Variants in MYBPC3 observed in about 807,000 individuals in gnomAD.
The protein encoded by MYBPC3 is myosin-binding protein C, cardiac-type.
A neutral mutation model predicts 159.3 loss-of-function variants in MYBPC3; 108 were observed. The ratio of observed to expected loss-of-function variants is 0.68; its 90% confidence interval spans 0.58 to 0.80. The LOEUF is 0.80. Ranked by LOEUF, MYBPC3 falls within the 30% of genes least tolerant of loss-of-function variation. The pLI is 0.00. For synonymous variants in MYBPC3, 730 were observed against 702.0 expected (o/e 1.04, Z -0.63); for missense variants, 1,631 against 1,762.1 (o/e 0.93, Z 1.33).
chr11:47,335,318 T>A (rs1163279860), intron 26 of MYBPC3, 109 bp from the exon 27 acceptor site: 8 of 939,802 alleles, frequency 8.5e-6, no homozygotes, highest in South Asian at 3.0e-5. Context: ...TATGTTTTTT[T>A]AAATTTTTAT....
At chr11:47,335,005 A>C in intron 27 of MYBPC3, 37 bp downstream of exon 27, 2 of 1,443,878 alleles carry the variant, frequency 1.4e-6, no homozygotes, top group Non-Finnish European at 1.8e-6. Context: ...CTGGGGTGTC[A>C]ATGGCGGGTC....
At chr11:47,349,153 C>G (rs1335685314) in intron 5 of MYBPC3, among the ~76,000 whole-genome samples, 1 of 151,384 alleles carries the variant, frequency 6.6e-6, no homozygotes, top group Middle Eastern at 3.2e-3. Flanking sequence ...TAGCCCAGGA[C>G]TGGGGAAGGT....
chr11:47,346,592 G>A lies in MYBPC3; in HGVS notation c.926+35C>T, dbSNP rs770211118. ...TGGAGGGGCTCCTGGCAGAATTAGG[G>A]GTGATGAGGGTGCTGTGCTATGTTG... On this transcript the variant is annotated intron_variant, in intron 11 of 34. Transcript: ENST00000545968. The surrounding 1 kb of genome is among the most constrained non-coding windows in gnomAD (Gnocchi z 5.3). The A allele has an allele frequency of 1.3e-5, 20 of 1,561,088 alleles. No homozygotes were observed. The highest frequency in any genetic ancestry group is 1.5e-5 in the Non-Finnish European group (17 of 1,151,664).
At chr11:47,341,054 G>A in intron 19 of MYBPC3, 22 bp from the exon 20 acceptor site, 1 of 1,575,532 alleles carries the variant, frequency 6.3e-7, no homozygotes, top group Non-Finnish European at 8.6e-7. Context: ...GGAAGAGCAA[G>A]TAGCACGGGG....
Position 47,349,773 on chromosome 11 carries a change from C to A in MYBPC3, c.654+1G>T, listed in dbSNP as rs730880621. Reference sequence around the variant, plus strand: ...TGTCTCCACGACCCCGGTGGACCCACCTTGCTGGCGCGGTCGTAGCTGTCG... The same window carrying A: ...TGTCTCCACGACCCCGGTGGACCCAACTTGCTGGCGCGGTCGTAGCTGTCG... On this transcript the variant is annotated splice_donor_variant, in intron 5 of 34. Coordinates refer to ENST00000545968, the MANE Select transcript of MYBPC3 (RefSeq NM_000256.3). LOFTEE classifies it high-confidence loss of function. The A allele has an allele frequency of 6.2e-7, 1 of 1,603,826 alleles. No homozygotes were observed. The highest frequency in any genetic ancestry group is 2.2e-5 in the East Asian group (1 of 44,864).
At chr11:47,333,878 A>T (rs759631851) in intron 28 of MYBPC3, 44 bp downstream of exon 28, 1 of 1,554,618 alleles carries the variant, frequency 6.4e-7, no homozygotes. Context: ...ACAACACACT[A>T]TAGCCTCTCT....
chr11:47,351,182 C>CGGGGG lies in MYBPC3; in HGVS notation c.292+56_292+57insCCCCC. 1 of 1,451,574 alleles carries CGGGGG rather than the reference C, an allele frequency of 6.9e-7. No homozygotes were observed. The highest frequency in any genetic ancestry group is 9.2e-7 in the Non-Finnish European group (1 of 1,091,542). The allele number at this position is 1,451,574 out of a possible 1,614,324, so 89.9% of individuals were successfully genotyped here. Reference sequence around the variant, plus strand: ...TGTTCCCTGGATGGATGGAGAGTCGCTGGGCTGCCCCTCCCCCAGCAGCCC... The same window carrying CGGGGG: ...TGTTCCCTGGATGGATGGAGAGTCGCGGGGGTGGGCTGCCCCTCCCCCAGCAGCCC... On this transcript the variant is annotated intron_variant, in intron 2 of 34. Coordinates refer to ENST00000545968, the MANE Select transcript of MYBPC3 (RefSeq NM_000256.3). The surrounding 1 kb of genome is among the most constrained non-coding windows in gnomAD (Gnocchi z 4.2).
In MYBPC3 at chr11:47,346,063, T is replaced by C; in HGVS notation, c.1090+144A>G. 1.7e-6 allele frequency: 2 copies of C among 1,180,766 alleles called. No homozygotes were observed. The highest frequency in any genetic ancestry group is 5.2e-5 in the East Asian group (2 of 38,298). 73.1% of individuals were successfully genotyped at this position (1,180,766 alleles called of 1,614,324 possible). A position where few individuals can be genotyped will look rare whatever the true frequency, so the allele number is the denominator to read the frequency against. On this transcript the variant is annotated intron_variant, in intron 12 of 34. Coordinates refer to ENST00000545968, the MANE Select transcript of MYBPC3 (RefSeq NM_000256.3). The surrounding 1 kb of genome is among the most constrained non-coding windows in gnomAD (Gnocchi z 5.3). The stretch of plus-strand genomic sequence containing the variant: ...CTCTGTGCTAAGCCGGACTCCGCTC[T>C]TTCCATGTATGTGGACGAGGTGGGG...
intron 6 of MYBPC3, 32 bp downstream of exon 6, chr11:47,348,392 C>T (rs372517590): frequency 6.3e-5 from 96 of 1,521,216 alleles, no homozygotes; most frequent in South Asian, 3.1e-4. Flanking sequence ...ATGGGGAGCC[C>T]GAGCCCAGGA....
At chr11:47,342,987 C>T in intron 15 of MYBPC3, 34 bp downstream of exon 15, 1 of 1,612,674 alleles carries the variant, frequency 6.2e-7, no homozygotes, top group Non-Finnish European at 8.5e-7. Flanking sequence ...CCATCTCCTC[C>T]CCAGGTTCCC....
rs397516079 is a variant in MYBPC3 at position 47,347,036 on chromosome 11, C to A, written c.906-7G>T. 315 of 809,522 alleles carry A rather than the reference C, an allele frequency of 3.9e-4. No homozygotes were observed. Among genetic ancestry groups the A allele is most frequent in the Non-Finnish European group, 6.2e-4 (286 of 458,066 alleles). The allele number at this position is 809,522 out of a possible 1,614,324, so 50.1% of individuals were successfully genotyped here. On this transcript the variant is annotated splice_region_variant and splice_polypyrimidine_tract_variant and intron_variant, in intron 9 of 34. Transcript: ENST00000545968. ...AGACCCCGATTCTTACTCTCTGGGC[C>A]ACAGCAGCAGCAGCCATAATGGAGG...
Position 47,348,502 on chromosome 11 carries a change from C to T in MYBPC3, c.694G>A (p.Ala232Thr). ...FELHITDAQP[A>T]FTGSYRCEVS... The stretch of plus-strand genomic sequence containing the variant: ...TCACAGCGGTAGCTGCCAGTGAAGG[C>T]AGGCTGGGCATCGGTGATGTGCAGC... The change falls in exon 6 of 35, where the codon GCC becomes ACC. Residue 232 changes from alanine to threonine, a missense_variant. By Grantham distance (58) the Ala-to-Thr change is moderately conservative (BLOSUM62 0). Coordinates refer to ENST00000545968, the MANE Select transcript of MYBPC3 (RefSeq NM_000256.3). 6.2e-7 allele frequency: 1 copy of T among 1,613,292 alleles called. No individual in the cohort carries two copies. The highest frequency in any genetic ancestry group is 8.5e-7 in the Non-Finnish European group (1 of 1,179,614).
In MYBPC3 at chr11:47,346,519, G is replaced by A. The variant is rs1168641742; in HGVS notation, c.926+108C>T. On this transcript the variant is annotated intron_variant, in intron 11 of 34. Coordinates refer to ENST00000545968, the MANE Select transcript of MYBPC3 (RefSeq NM_000256.3). This position sits in a 1 kb window ranked among gnomAD's most constrained non-coding sequence, Gnocchi z 5.3. ...GCAGCTGGAGCTGCTCTGGGTCCCA[G>A]GCCAGGCAGGACTGGGGGCCAAGGG... 2 of 1,473,226 alleles carry A rather than the reference G, an allele frequency of 1.4e-6. No homozygotes were observed. Among genetic ancestry groups the A allele is most frequent in the Admixed American group, 4.7e-5 (2 of 42,310 alleles). 91.3% of individuals were successfully genotyped at this position (1,473,226 alleles called of 1,614,324 possible). A position where few individuals can be genotyped will look rare whatever the true frequency, so the allele number is the denominator to read the frequency against.
intron 26 of MYBPC3, 102 bp downstream of exon 26, chr11:47,335,775 G>T (rs2095881591): frequency 9.1e-7 from 1 of 1,095,812 alleles, no homozygotes; most frequent in Non-Finnish European, 1.2e-6. Context: ...TCAACTTTCG[G>T]CAAAAGTGGG....
In MYBPC3 at chr11:47,337,279, A is replaced by G. The variant is rs1595843489; in HGVS notation, c.2602+112T>C. ...CTGAGTATCCCCAGTCGAGGATGAA[A>G]GGAGACTGTGGATGTGAGTGTCTAG... On this transcript the variant is annotated intron_variant, in intron 25 of 34. Transcript: ENST00000545968. 6 of 1,171,496 alleles carry G rather than the reference A, an allele frequency of 5.1e-6. No homozygotes were observed. In the East Asian group the frequency reaches 1.5e-4, roughly 29 times the overall value. 72.6% of individuals were successfully genotyped at this position (1,171,496 alleles called of 1,614,324 possible). A position where few individuals can be genotyped will look rare whatever the true frequency, so the allele number is the denominator to read the frequency against.
At position 47,346,416 on chromosome 11, in the gene MYBPC3, C is replaced by G. The variant is rs73451796; in HGVS notation, c.927-46G>C. On this transcript the variant is annotated intron_variant, in intron 11 of 34. Coordinates refer to ENST00000545968, the MANE Select transcript of MYBPC3 (RefSeq NM_000256.3). The surrounding 1 kb of genome is among the most constrained non-coding windows in gnomAD (Gnocchi z 5.3). ...TGTGGCCGGGGGCAAGACTGCAGCC[C>G]CCTGGGCGGGGCTTCCTGGGCCCAG... The G allele has an allele frequency of 9.3e-4, 1,402 of 1,504,346 alleles. 12 individuals carry two copies. In the African/African-American group the frequency reaches 0.017, roughly 18 times the overall value. The allele number at this position is 1,504,346 out of a possible 1,614,324, so 93.2% of individuals were successfully genotyped here. A position where few individuals can be genotyped will look rare whatever the true frequency, so the allele number is the denominator to read the frequency against.
At chr11:47,340,547 G>A (rs1227831483) in intron 20 of MYBPC3, among the ~76,000 whole-genome samples, 1 of 152,158 alleles carries the variant, frequency 6.6e-6, no homozygotes, top group East Asian at 1.9e-4. Flanking sequence ...GGCGCCTGTA[G>A]TCCCAGCTAC....
At chr11:47,349,441 G>A (rs1283215192) in intron 5 of MYBPC3, among the ~76,000 whole-genome samples, 1 of 152,002 alleles carries the variant, frequency 6.6e-6, no homozygotes, top group East Asian at 1.9e-4. Context: ...GTGCCCCCAT[G>A]CTTCACAGTG....
rs1199903776 is a variant in MYBPC3 at position 47,347,500 on chromosome 11, TGAGG to T, written c.852-25_852-22del. 22 of 1,592,356 alleles carry T rather than the reference TGAGG, an allele frequency of 1.4e-5. No homozygotes were observed. The South Asian group carries it at 2.1e-4, about 15-fold the overall frequency. On this transcript the variant is annotated intron_variant, in intron 8 of 34. Transcript: ENST00000545968. ...TATCACTATGGAGAGGGACCCCCAG[TGAGG>T]CTGCAGTGAGGGACTGGAAAGGGAT...
Sources: allele counts gnomAD v4.1 joint callset (sites outside exome capture counted in the v4.1 genomes callset), GRCh38; gene constraint gnomAD v4.1.1; non-coding constraint Gnocchi (gnomAD v3.1); transcripts MANE v1.5; gene names NCBI Gene and HGNC (gene_info 2026-07-23, HGNC 2026-07-21).